The following GPC6 variants were observed in gnomAD, a reference collection of about 807,000 sequenced individuals.
GPC6 encodes glypican-6.
Under a neutral mutation model 55.2 loss-of-function variants are expected in GPC6, and 14 were observed. The observed-to-expected ratio is 0.25, with a 90% CI of 0.17 to 0.40. The LOEUF is 0.40. Among genes scored for constraint, GPC6 ranks in the 10% least tolerant of loss-of-function variants. The pLI is 1.00. For synonymous variants in GPC6, 278 were observed against 259.6 expected (o/e 1.07, Z -0.68); for missense variants, 641 against 708.5 (o/e 0.90, Z 1.08).
At chr13:93,874,502 G>A (rs2140304245) in intron 3 of GPC6, among the ~76,000 whole-genome samples, 1 of 151,282 alleles carries the variant, frequency 6.6e-6, no homozygotes, top group Middle Eastern at 3.4e-3. Context: ...TAGTGTAGCA[G>A]TCATGTTTTA....
chr13:94,093,542 C>A (rs1026408181), intron 4 of GPC6, among the ~76,000 whole-genome samples: 3 of 151,976 alleles, frequency 2.0e-5, no homozygotes, highest in African/African-American at 7.2e-5. Flanking sequence ...AGTGTAATGC[C>A]TCCAGCTTTG....
intron 1 of GPC6, among the ~76,000 whole-genome samples, chr13:93,254,718 TAGAG>T (rs993057473): frequency 6.6e-6 from 1 of 151,692 alleles, no homozygotes; most frequent in Non-Finnish European, 1.5e-5. Context: ...AAAAAAAAAA[TAGAG>T]AGAGTGAGGA....
In GPC6 at chr13:93,227,662, CG is replaced by C; in HGVS notation, c.160+47del. The C allele has an allele frequency of 6.7e-7, 1 of 1,495,058 alleles. No individual in the cohort carries two copies. The allele number at this position is 1,495,058 out of a possible 1,614,324, so 92.6% of individuals were successfully genotyped here. A position where few individuals can be genotyped will look rare whatever the true frequency, so the allele number is the denominator to read the frequency against. Reference sequence around the variant, plus strand: ...GGGGCAGGCTGCAGCCCTCGGCTGCCGCACGTCCCACTGGCCGCCCGGCGTC... The same window carrying C: ...GGGGCAGGCTGCAGCCCTCGGCTGCCCACGTCCCACTGGCCGCCCGGCGTC... On this transcript the variant is annotated intron_variant, in intron 1 of 8. Transcript: ENST00000377047. The surrounding 1 kb of genome is among the most constrained non-coding windows in gnomAD (Gnocchi z 4.3).
chr13:94,265,783 G>C (rs1891783065), intron 4 of GPC6, among the ~76,000 whole-genome samples: 1 of 152,156 alleles, frequency 6.6e-6, no homozygotes, highest in Non-Finnish European at 1.5e-5. Context: ...ACATATCACT[G>C]GTTGCTTAAT....
intron 3 of GPC6, among the ~76,000 whole-genome samples, chr13:93,935,546 T>C (rs1878393627): frequency 6.6e-6 from 1 of 152,234 alleles, no homozygotes; most frequent in African/African-American, 2.4e-5. Flanking sequence ...TTGTGAATAG[T>C]GCTGTGATGA....
chr13:94,379,330 A>G (rs1356235795), intron 6 of GPC6, among the ~76,000 whole-genome samples: 6 of 152,180 alleles, frequency 3.9e-5, no homozygotes, highest in Non-Finnish European at 7.3e-5. Flanking sequence ...GTTTCCGTGC[A>G]GAATGTTAAA....
At chr13:93,869,124 C>T (rs1162275079) in intron 3 of GPC6, among the ~76,000 whole-genome samples, 2 of 151,824 alleles carry the variant, frequency 1.3e-5, no homozygotes, top group Non-Finnish European at 2.9e-5. Flanking sequence ...ATACTGCACA[C>T]CATCTGCTTC....
intron 2 of GPC6, among the ~76,000 whole-genome samples, chr13:93,726,103 TACACACACACACACACACAC>T (rs71811304): frequency 1.3e-4 from 17 of 126,856 alleles, no homozygotes; most frequent in African/African-American, 3.9e-4. Flanking sequence ...TTTTCCTTCA[TACACACACACACACACACAC>T]ACACACACAC....
In GPC6 at chr13:94,165,542, A is replaced by G. The variant is rs189486793; in HGVS notation, c.878-120807A>G. ...TAAAAGACTACAAATTGAGTTCACT[A>G]CATACCGCTTAGGTGATGGGTGCAC... is the stretch of plus-strand genomic sequence containing the variant. On this transcript the variant is annotated intron_variant, in intron 4 of 8. Transcript: ENST00000377047. 3.5e-3 allele frequency among the ~76,000 whole-genome samples: 532 copies of G among 152,132 alleles called. 5 individuals carry two copies. The highest frequency in any genetic ancestry group is 0.012 in the African/African-American group (508 of 41,522).
At chr13:93,377,992 A>T (rs1195991601) in intron 1 of GPC6, among the ~76,000 whole-genome samples, 3 of 152,190 alleles carry the variant, frequency 2.0e-5, no homozygotes, top group Non-Finnish European at 4.4e-5. Context: ...GTGAAATAGC[A>T]CTGTAGATTT....
chr13:93,583,600 A>G (rs990404301), intron 2 of GPC6, among the ~76,000 whole-genome samples: 5 of 152,100 alleles, frequency 3.3e-5, no homozygotes, highest in African/African-American at 7.2e-5. Flanking sequence ...TATTTTTAGT[A>G]GAGATGGAGT....
intron 2 of GPC6, among the ~76,000 whole-genome samples, chr13:93,823,659 T>C (rs1430554974): frequency 1.3e-5 from 2 of 152,164 alleles, no homozygotes; most frequent in Non-Finnish European, 2.9e-5. Flanking sequence ...CGAAGACAAA[T>C]GGAAATGATG....
At chr13:93,915,565 T>C (rs1839510651) in intron 3 of GPC6, among the ~76,000 whole-genome samples, 1 of 152,206 alleles carries the variant, frequency 6.6e-6, no homozygotes, top group South Asian at 2.1e-4. Flanking sequence ...TATGCTTACA[T>C]AGTGGCAGTG....
At chr13:94,373,168 C>T (rs1879666713) in intron 6 of GPC6, among the ~76,000 whole-genome samples, 2 of 152,122 alleles carry the variant, frequency 1.3e-5, no homozygotes, top group East Asian at 1.9e-4. Context: ...TCTCCTCCTC[C>T]AAAGGAACGC....
At chr13:94,308,899 A>G in intron 6 of GPC6, among the ~76,000 whole-genome samples, 1 of 152,160 alleles carries the variant, frequency 6.6e-6, no homozygotes, top group East Asian at 1.9e-4. Context: ...TTGGGGTTCC[A>G]ATATAGCTCT....
At chr13:94,238,474 TAGAA>T (rs1261320137) in intron 4 of GPC6, among the ~76,000 whole-genome samples, 2 of 152,074 alleles carry the variant, frequency 1.3e-5, no homozygotes, top group African/African-American at 4.8e-5. Flanking sequence ...TCTTATTAGA[TAGAA>T]GGGCACAGTG....
intron 3 of GPC6, among the ~76,000 whole-genome samples, chr13:93,962,726 A>G (rs143876803): frequency 1.8e-3 from 277 of 152,288 alleles, no homozygotes; most frequent in African/African-American, 6.5e-3. Flanking sequence ...TGTCACCCCA[A>G]GAAATACTAT....
intron 5 of GPC6, among the ~76,000 whole-genome samples, chr13:94,291,986 A>T (rs1024605666): frequency 2.6e-5 from 4 of 152,220 alleles, no homozygotes; most frequent in Non-Finnish European, 4.4e-5. Context: ...ATTAGAAGTC[A>T]TTCCCAGAGC....
intron 5 of GPC6, among the ~76,000 whole-genome samples, chr13:94,290,298 G>A (rs1594136889): frequency 2.6e-5 from 4 of 151,998 alleles, no homozygotes; most frequent in Admixed American, 2.6e-4. Context: ...GTATGAGCCT[G>A]TAGTCCCAGC....
Sources: allele counts gnomAD v4.1 joint callset (sites outside exome capture counted in the v4.1 genomes callset), GRCh38; gene constraint gnomAD v4.1.1; non-coding constraint Gnocchi (gnomAD v3.1); transcripts MANE v1.5; gene names NCBI Gene and HGNC (gene_info 2026-07-23, HGNC 2026-07-21).